MRAP2: variants seen among roughly 807,000 people sequenced by gnomAD.
MRAP2 encodes the protein melanocortin-2 receptor accessory protein 2.
MRAP2 carries 20 observed loss-of-function variants against 17.4 expected under a neutral mutation model. That is an observed-to-expected ratio of 1.15 (90% CI 0.81 to 1.67). MRAP2 has a LOEUF of 1.67. Among genes scored for constraint, MRAP2 ranks in the 40% most tolerant of loss-of-function variants. The pLI is 0.00. For missense variants in MRAP2, 238 were observed against 240.0 expected (o/e 0.99, Z 0.05); for synonymous variants, 96 against 88.4 (o/e 1.09, Z -0.48).
At chr6:84,136,883 T>TAAAGA in the MRAP2 span, among the ~76,000 whole-genome samples, 1 of 152,198 alleles carries the variant, frequency 6.6e-6, no homozygotes, top group African/African-American at 2.4e-5. Context: ...CTCCCCTTGA[T>TAAAGA]AAAGAATGGC....
At chr6:84,042,769 A>G (rs1305604475) in intron 1 of MRAP2, among the ~76,000 whole-genome samples, 1 of 152,232 alleles carries the variant, frequency 6.6e-6, no homozygotes, top group African/African-American at 2.4e-5. Flanking sequence ...AGGTGGAGAA[A>G]CCACAAGAGC....
At chr6:84,145,333 T>C in the MRAP2 span, among the ~76,000 whole-genome samples, 1 of 152,164 alleles carries the variant, frequency 6.6e-6, no homozygotes, top group Admixed American at 6.6e-5. Flanking sequence ...AGAATCCTTA[T>C]TAAAAGTTCC....
the MRAP2 span, among the ~76,000 whole-genome samples, chr6:84,126,121 A>G: frequency 6.6e-6 from 1 of 152,142 alleles, no homozygotes; most frequent in Non-Finnish European, 1.5e-5. Flanking sequence ...GTAAGTTTTT[A>G]GGAATCCATC....
intron 1 of MRAP2, among the ~76,000 whole-genome samples, chr6:84,036,182 A>G (rs1290746714): frequency 6.6e-6 from 1 of 151,782 alleles, no homozygotes; most frequent in Non-Finnish European, 1.5e-5. Context: ...TGAAATATCA[A>G]GGTAGATATA....
At chr6:84,125,096 C>T in the MRAP2 span, 2 of 1,612,820 alleles carry the variant, frequency 1.2e-6, no homozygotes, top group Non-Finnish European at 1.7e-6. Flanking sequence ...TTCATTTCAT[C>T]TGCAAAAGCA....
chr6:84,063,112 T>A, intron 3 of MRAP2, 120 bp downstream of exon 3: 7 of 1,519,164 alleles, frequency 4.6e-6, no homozygotes, highest in Non-Finnish European at 6.2e-6. Context: ...GTTATAGATT[T>A]GCTGTCTGGA....
intron 3 of MRAP2, chr6:84,063,367 G>GTCTTTTC: frequency 1.0e-6 from 1 of 985,374 alleles, no homozygotes; most frequent in Non-Finnish European, 1.2e-6. Flanking sequence ...TGGCAAAATA[G>GTCTTTTC]GATGAAAACC....
intron 1 of MRAP2, among the ~76,000 whole-genome samples, chr6:84,039,074 A>C (rs1289041533): frequency 1.3e-5 from 2 of 152,212 alleles, no homozygotes; most frequent in Non-Finnish European, 2.9e-5. Flanking sequence ...AAAAGGAAAG[A>C]AAATGTTTAC....
the MRAP2 span, among the ~76,000 whole-genome samples, chr6:84,135,618 T>TC: frequency 6.6e-6 from 1 of 150,964 alleles, no homozygotes; most frequent in African/African-American, 2.5e-5. Context: ...ATCCCAGCTC[T>TC]TTGGGAGGCT....
In MRAP2 at chr6:84,090,305, G is replaced by A. The variant is rs2099501536; in HGVS notation, c.*824G>A. 6.6e-6 allele frequency: 1 copy of A among 152,204 alleles called. No homozygotes were observed. The highest frequency in any genetic ancestry group is 1.5e-5 in the Non-Finnish European group (1 of 68,052). The allele number at this position is 152,204 out of a possible 1,614,324, so 9.4% of individuals were successfully genotyped here. ...AGTCAGGGGATCTGGTTGTCTACCA[G>A]AATGTCAGGAGACTCATCTTACACA... is the stretch of plus-strand genomic sequence containing the variant. On this transcript the variant is annotated 3_prime_UTR_variant, in exon 4 of 4. Coordinates refer to ENST00000257776, the MANE Select transcript of MRAP2 (RefSeq NM_138409.4).
chr6:84,131,679 TG>T, the MRAP2 span, among the ~76,000 whole-genome samples: 5,746 of 151,832 alleles, frequency 0.038, 149 homozygotes, highest in Admixed American at 0.079. Context: ...TTTTTTGTTT[TG>T]TTTTCCATTT....
At chr6:84,081,475 C>G (rs1157240250) in intron 3 of MRAP2, among the ~76,000 whole-genome samples, 1 of 152,184 alleles carries the variant, frequency 6.6e-6, no homozygotes, top group Non-Finnish European at 1.5e-5. Flanking sequence ...TTCCCCTGTG[C>G]TATTCTTGTG....
rs145498131 is a variant in MRAP2, at chr6:84,087,792, T to G, written c.228-1299T>G. Among the ~76,000 whole-genome samples the G allele has an allele frequency of 4.5e-3, 691 of 152,314 alleles. 9 individuals carry two copies. The highest frequency in any genetic ancestry group is 0.016 in the African/African-American group (658 of 41,572). On this transcript the variant is annotated intron_variant, in intron 3 of 3. Coordinates refer to ENST00000257776, the MANE Select transcript of MRAP2 (RefSeq NM_138409.4). ...GAAAATTGTTAACCTGGCTTATTAT[T>G]AAAAGGAAAAATACAGGTTTCTGAA...
At chr6:84,033,718 CCTCCGCTGCGGGTCGGGAGCGCGCGT>C (rs1244281313), upstream of MRAP2, 3 of 985,184 alleles carry the variant, frequency 3.0e-6, no homozygotes, top group Non-Finnish European at 3.6e-6. Context: ...CCCCGCGCCG[CCTCCGCTGCGGGTCGGGAGCGCGCGT>C]CTCCGCCGCA....
chr6:84,145,198 AATATTTGG>A, the MRAP2 span, among the ~76,000 whole-genome samples: 1 of 152,094 alleles, frequency 6.6e-6, no homozygotes. Flanking sequence ...GGAGCCTCAC[AATATTTGG>A]GGGATCTCTA....
chr6:84,050,251 T>G (rs901650836), intron 1 of MRAP2, among the ~76,000 whole-genome samples: 3 of 152,196 alleles, frequency 2.0e-5, no homozygotes, highest in African/African-American at 7.2e-5. Flanking sequence ...AGGTGATGGT[T>G]CACGCAGACT....
At chr6:84,117,686 G>A in the MRAP2 span, among the ~76,000 whole-genome samples, 1 of 130,444 alleles carries the variant, frequency 7.7e-6, no homozygotes, top group African/African-American at 2.6e-5. Flanking sequence ...TGTGTGTGTG[G>A]TTGTTGTTGT....
chr6:84,108,541 TA>T, the MRAP2 span, among the ~76,000 whole-genome samples: 1 of 152,114 alleles, frequency 6.6e-6, no homozygotes, highest in African/African-American at 2.4e-5. Flanking sequence ...TATTTTTTTC[TA>T]AATTTGTTTA....
At chr6:84,052,237 C>T (rs1311341471) in intron 1 of MRAP2, among the ~76,000 whole-genome samples, 1 of 152,170 alleles carries the variant, frequency 6.6e-6, no homozygotes, top group Non-Finnish European at 1.5e-5. Flanking sequence ...GCCCGTGGAG[C>T]TGCCGCTTCC....
Sources: allele counts gnomAD v4.1 joint callset (sites outside exome capture counted in the v4.1 genomes callset), GRCh38; gene constraint gnomAD v4.1.1; transcripts MANE v1.5; gene names NCBI Gene and HGNC (gene_info 2026-07-23, HGNC 2026-07-21).